MTHFD1L: variants seen among roughly 807,000 people sequenced by gnomAD.
MTHFD1L encodes monofunctional C1-tetrahydrofolate synthase, mitochondrial.
MTHFD1L carries 81 observed loss-of-function variants against 119.5 expected under a neutral mutation model. The observed-to-expected ratio is 0.68, with a 90% confidence interval of 0.57 to 0.82. The LOEUF is 0.82. MTHFD1L is among the 40% of genes least tolerant of loss of function. The pLI, the probability that MTHFD1L is intolerant of heterozygous loss-of-function variation, is 0.00. For synonymous variants in MTHFD1L, 430 were observed against 475.2 expected (o/e 0.90, Z 1.24); for missense variants, 1,125 against 1,253.4 (o/e 0.90, Z 1.55).
intron 8 of MTHFD1L, among the ~76,000 whole-genome samples, chr6:150,913,761 A>G (rs1182842417): frequency 1.3e-5 from 2 of 152,148 alleles, no homozygotes; most frequent in African/African-American, 4.8e-5. Context: ...TGGGGGGCCT[A>G]AGTGGGCTGA....
chr6:151,076,155 G>A (rs964009226), intron 26 of MTHFD1L, among the ~76,000 whole-genome samples: 31 of 152,164 alleles, frequency 2.0e-4, no homozygotes, highest in African/African-American at 7.2e-4. Context: ...AGGATGGCTT[G>A]AGCCCAGCCT....
intron 26 of MTHFD1L, among the ~76,000 whole-genome samples, chr6:151,051,642 G>A (rs959931660): frequency 1.3e-4 from 20 of 152,174 alleles, no homozygotes; most frequent in African/African-American, 4.8e-4. Flanking sequence ...AAAACCTGCT[G>A]CCATACCCCC....
intron 24 of MTHFD1L, among the ~76,000 whole-genome samples, chr6:151,026,588 G>A (rs937852655): frequency 1.3e-4 from 19 of 151,982 alleles, no homozygotes; most frequent in African/African-American, 4.6e-4. Context: ...GTATGAGAAG[G>A]GTTACATTTT....
At chr6:151,063,567 C>G in intron 26 of MTHFD1L, among the ~76,000 whole-genome samples, 1 of 152,162 alleles carries the variant, frequency 6.6e-6, no homozygotes, top group East Asian at 1.9e-4. Flanking sequence ...ACAAATGTGT[C>G]TTATGCAGAT....
intron 27 of MTHFD1L, chr6:151,099,609 T>C: frequency 1.2e-6 from 2 of 1,610,542 alleles, no homozygotes; most frequent in Non-Finnish European, 1.7e-6. Context: ...CAGACCATTA[T>C]GTCAAAATTA....
chr6:150,877,712 A>G (rs1780675954), intron 3 of MTHFD1L, 28 bp downstream of exon 3: 2 of 1,614,084 alleles, frequency 1.2e-6, no homozygotes, highest in African/African-American at 1.3e-5. Context: ...TAAAAAATTC[A>G]CTATAACTTT....
intron 1 of MTHFD1L, among the ~76,000 whole-genome samples, chr6:150,873,008 C>T (rs777416560): frequency 7.2e-5 from 11 of 151,890 alleles, no homozygotes; most frequent in Non-Finnish European, 1.6e-4. Flanking sequence ...TGACGATTGC[C>T]GACTTACCTA....
chr6:150,901,609 G>A (rs80083097), intron 7 of MTHFD1L, among the ~76,000 whole-genome samples: 3,834 of 152,272 alleles, frequency 0.025, 153 homozygotes, highest in African/African-American at 0.087. Flanking sequence ...CATTGAGAGT[G>A]AAAATCAAGC....
chr6:150,931,736 C>G (rs527367992), intron 11 of MTHFD1L, among the ~76,000 whole-genome samples: 18 of 152,346 alleles, frequency 1.2e-4, no homozygotes, highest in African/African-American at 4.3e-4. Context: ...AGTTTTACCA[C>G]TTCTCTCTGG....
intron 5 of MTHFD1L, among the ~76,000 whole-genome samples, 179 bp downstream of exon 5, chr6:150,883,065 C>T (rs1781626581): frequency 6.6e-6 from 1 of 151,266 alleles, no homozygotes; most frequent in Non-Finnish European, 1.5e-5. Context: ...TGGAGTCTCG[C>T]TCTGTTGCCC....
rs138934712 is a variant in MTHFD1L at position 151,037,060 on chromosome 6, T to A, written c.2790T>A (p.Pro930=). The part of the protein sequence containing the change: ...KKGVPRDFIL[P]ISDVRASIGA... ...GTGTGCCAAGGGACTTCATCTTACC[T>A]ATCAGTGACGTCCGGGCCAGCATAG... Residue 930 remains proline (P), a synonymous_variant, in exon 26 of 28, where the codon CCT becomes CCA. Transcript: ENST00000367321. 1.6e-3 allele frequency: 2,649 copies of A among 1,611,946 alleles called. 25 individuals are homozygous for A. In the African/African-American group the frequency reaches 0.026, roughly 16 times the overall value.
chr6:151,002,866 G>C (rs1423104569), intron 20 of MTHFD1L, among the ~76,000 whole-genome samples: 3 of 152,194 alleles, frequency 2.0e-5, no homozygotes, highest in African/African-American at 7.2e-5. Context: ...CAGTGCTATG[G>C]AGACCTTGGG....
intron 24 of MTHFD1L, among the ~76,000 whole-genome samples, chr6:151,018,795 C>T (rs191419843): frequency 6.6e-6 from 1 of 152,154 alleles, no homozygotes; most frequent in East Asian, 1.9e-4. Flanking sequence ...ATCGCTGGCA[C>T]GCAGTCAGTG....
chr6:150,890,451 G>A (rs979876786), intron 7 of MTHFD1L, among the ~76,000 whole-genome samples: 4 of 152,058 alleles, frequency 2.6e-5, no homozygotes, highest in Admixed American at 1.3e-4. Flanking sequence ...GCAGGCCAGC[G>A]GTCCCCTGTG....
At position 151,083,379 on chromosome 6, in the gene MTHFD1L, G is replaced by A. The variant is rs553274356; in HGVS notation, c.2848-9088G>A. Among the ~76,000 whole-genome samples, 550 of 152,240 alleles carry A rather than the reference G, an allele frequency of 3.6e-3. 3 individuals carry two copies. Among genetic ancestry groups the A allele is most frequent in the Non-Finnish European group, 3.0e-3 (202 of 68,020 alleles). ...TGCCCAGCTAATTTGTGTATTTTTA[G>A]TAGAGATGGAGTTTCACCATGTTGG... On this transcript the variant is annotated intron_variant, in intron 26 of 27. Transcript: ENST00000367321.
At chr6:151,099,610 G>T in intron 27 of MTHFD1L, 1 of 1,610,216 alleles carries the variant, frequency 6.2e-7, no homozygotes. Context: ...AGACCATTAT[G>T]TCAAAATTAA....
intron 10 of MTHFD1L, among the ~76,000 whole-genome samples, chr6:150,922,534 T>G (rs986236116): frequency 6.6e-6 from 1 of 152,164 alleles, no homozygotes; most frequent in African/African-American, 2.4e-5. Flanking sequence ...TTTATTTCAA[T>G]GATGTTTTCT....
chr6:151,000,113 G>A (rs1780394998), intron 20 of MTHFD1L, among the ~76,000 whole-genome samples: 1 of 152,184 alleles, frequency 6.6e-6, no homozygotes, highest in African/African-American at 2.4e-5. Flanking sequence ...GCCGAGGCAG[G>A]TGGATCACGA....
intron 13 of MTHFD1L, 142 bp from the exon 14 acceptor site, chr6:150,944,344 A>G: frequency 3.1e-6 from 2 of 640,276 alleles, no homozygotes. Flanking sequence ...CCTACTCAGT[A>G]GGCTTAGGTG....
Sources: gnomAD v4.1 joint callset for allele counts (sites outside exome capture counted in the v4.1 genomes callset) on GRCh38, gnomAD v4.1.1 for gene constraint, MANE v1.5 for transcripts, NCBI Gene and HGNC (gene_info 2026-07-23, HGNC 2026-07-21) for gene names.